The following PRKG1 variants were observed in gnomAD, a reference collection of about 807,000 sequenced individuals.
The protein encoded by PRKG1 is cGMP-dependent protein kinase 1.
PRKG1 carries 35 observed loss-of-function variants against 88.1 expected under a neutral mutation model. The observed-to-expected ratio is 0.40, with a 90% confidence interval of 0.30 to 0.53. The LOEUF is 0.53. Among genes scored for constraint, PRKG1 ranks in the 20% least tolerant of loss-of-function variants. The pLI is 0.59. For synonymous variants in PRKG1, 303 were observed against 292.5 expected (o/e 1.04, Z -0.37); for missense variants, 540 against 839.8 (o/e 0.64, Z 4.41).
intron 5 of PRKG1, among the ~76,000 whole-genome samples, chr10:52,020,685 C>T (rs952120881): frequency 6.6e-6 from 1 of 151,992 alleles, no homozygotes; most frequent in Admixed American, 6.6e-5. Context: ...GTGCAATGCC[C>T]TCTTAATGCT....
intron 1 of PRKG1, among the ~76,000 whole-genome samples, chr10:51,122,367 A>C (rs1223786771): frequency 1.3e-5 from 2 of 152,168 alleles, no homozygotes; most frequent in Admixed American, 1.3e-4. Context: ...TCAACACAGC[A>C]CCAAGAGGCT....
At chr10:52,024,472 C>T (rs184469887) in intron 5 of PRKG1, among the ~76,000 whole-genome samples, 2,235 of 152,098 alleles carry the variant, frequency 0.015, 65 homozygotes, top group African/African-American at 0.051. Context: ...AATGCTATCC[C>T]TCCCCCATTC....
intron 3 of PRKG1, among the ~76,000 whole-genome samples, chr10:51,541,746 AAACT>A (rs1049102402): frequency 8.5e-5 from 13 of 152,128 alleles, no homozygotes; most frequent in East Asian, 1.9e-4. Context: ...AAAAAAAAAC[AAACT>A]ATTTTTTTGT....
In PRKG1 at chr10:51,621,747, G is replaced by A. The variant is rs567075429; in HGVS notation, c.592+153911G>A. Among the ~76,000 whole-genome samples the A allele has an allele frequency of 1.1e-3, 163 of 152,118 alleles. 3 individuals are homozygous for A. In the South Asian group the frequency reaches 0.033, roughly 31 times the overall value. Reference sequence around the variant, plus strand: ...CTCAATTTAACCTGATGTTTTAAAGGTCCTCTCTATCTGTGTAATTCAACT... The same window carrying A: ...CTCAATTTAACCTGATGTTTTAAAGATCCTCTCTATCTGTGTAATTCAACT... On this transcript the variant is annotated intron_variant, in intron 3 of 17. Transcript: ENST00000373980.
intron 2 of PRKG1, among the ~76,000 whole-genome samples, chr10:51,422,112 G>A (rs1254029850): frequency 6.6e-6 from 1 of 152,142 alleles, no homozygotes; most frequent in Non-Finnish European, 1.5e-5. Flanking sequence ...TACTTACCAG[G>A]GCTCTGAGAG....
intron 2 of PRKG1, among the ~76,000 whole-genome samples, chr10:51,355,783 T>A (rs1842353477): frequency 6.6e-6 from 1 of 152,022 alleles, no homozygotes; most frequent in Non-Finnish European, 1.5e-5. Context: ...GGATTTTTAA[T>A]GTGGGTGGCT....
At chr10:51,756,323 C>CA (rs990776051) in intron 3 of PRKG1, among the ~76,000 whole-genome samples, 38 of 151,948 alleles carry the variant, frequency 2.5e-4, no homozygotes, top group Non-Finnish European at 4.3e-4. Flanking sequence ...CCCATCTCTA[C>CA]AAAAAATTAA....
At chr10:51,705,751 T>A (rs1303873630) in intron 3 of PRKG1, among the ~76,000 whole-genome samples, 2 of 152,212 alleles carry the variant, frequency 1.3e-5, no homozygotes, top group Non-Finnish European at 1.5e-5. Context: ...CACAGAGAAG[T>A]TAACTAGTGT....
At chr10:51,184,440 A>G (rs1837430295) in intron 2 of PRKG1, among the ~76,000 whole-genome samples, 2 of 152,064 alleles carry the variant, frequency 1.3e-5, no homozygotes, top group African/African-American at 4.8e-5. Context: ...TTATACATCA[A>G]TCAGCATCAC....
intron 5 of PRKG1, chr10:51,911,296 A>G (rs1254666155): frequency 5.3e-5 from 8 of 149,990 alleles, no homozygotes; most frequent in African/African-American, 2.0e-4. Flanking sequence ...TAAAGCACAA[A>G]TTTATTAGCC....
intron 2 of PRKG1, among the ~76,000 whole-genome samples, chr10:51,436,312 G>A (rs530024715): frequency 1.4e-4 from 22 of 151,984 alleles, no homozygotes; most frequent in African/African-American, 5.1e-4. Context: ...TGTGTTGTTA[G>A]TGTGCGTGTG....
intron 4 of PRKG1, among the ~76,000 whole-genome samples, chr10:51,851,361 ACTGGCTT>A (rs1242905175): frequency 6.6e-6 from 1 of 152,130 alleles, no homozygotes; most frequent in Non-Finnish European, 1.5e-5. Flanking sequence ...GGTTGTTGCT[ACTGGCTT>A]CTAGTGGATA....
chr10:51,092,134 A>T (rs998136212), intron 1 of PRKG1, among the ~76,000 whole-genome samples: 3 of 152,210 alleles, frequency 2.0e-5, no homozygotes, highest in African/African-American at 7.2e-5. Context: ...CCTGAGGTGA[A>T]TATAGAATTG....
intron 2 of PRKG1, among the ~76,000 whole-genome samples, chr10:51,191,646 T>C (rs1208036139): frequency 6.6e-6 from 1 of 151,822 alleles, no homozygotes; most frequent in Non-Finnish European, 1.5e-5. Flanking sequence ...TATTTAATCC[T>C]CATACCAAAC....
intron 3 of PRKG1, among the ~76,000 whole-genome samples, chr10:51,647,671 C>T (rs1337905028): frequency 2.0e-5 from 3 of 152,098 alleles, no homozygotes; most frequent in African/African-American, 4.8e-5. Context: ...GTAACCCTAA[C>T]CTTTCTCGTT....
At chr10:51,339,390 C>G (rs941770843) in intron 2 of PRKG1, among the ~76,000 whole-genome samples, 1 of 152,002 alleles carries the variant, frequency 6.6e-6, no homozygotes, top group African/African-American at 2.4e-5. Flanking sequence ...AGATATAAAG[C>G]ATAATTCATC....
intron 1 of PRKG1, among the ~76,000 whole-genome samples, chr10:50,995,999 G>A (rs1842833068): frequency 6.6e-6 from 1 of 152,164 alleles, no homozygotes; most frequent in South Asian, 2.1e-4. Context: ...CAAGGAGTTT[G>A]GCCTACTTCT....
At chr10:51,043,274 T>C (rs1277997812) in intron 1 of PRKG1, among the ~76,000 whole-genome samples, 2 of 152,188 alleles carry the variant, frequency 1.3e-5, no homozygotes, top group African/African-American at 4.8e-5. Context: ...GTTTGTGTTC[T>C]GAAGTGGATA....
At chr10:51,838,919 G>A (rs910629832) in intron 4 of PRKG1, among the ~76,000 whole-genome samples, 1 of 152,102 alleles carries the variant, frequency 6.6e-6, no homozygotes, top group Admixed American at 6.6e-5. Context: ...ACTGTATAAT[G>A]GCCCATAAAT....
Sources: gnomAD v4.1 joint callset for allele counts (sites outside exome capture counted in the v4.1 genomes callset) on GRCh38, gnomAD v4.1.1 for gene constraint, MANE v1.5 for transcripts, NCBI Gene and HGNC (gene_info 2026-07-23, HGNC 2026-07-21) for gene names.